Variants in MALRD1 observed in about 807,000 individuals in gnomAD.
The protein encoded by MALRD1 is MAM and LDL-receptor class A domain-containing protein 1.
Under a neutral mutation model 242.1 loss-of-function variants are expected in MALRD1, and 247 were observed. The ratio of observed to expected loss-of-function variants is 1.02; its 90% CI spans 0.92 to 1.13. MALRD1 has a LOEUF of 1.13. MALRD1 is among the 50% of genes most tolerant of loss of function. The pLI is 0.00. For synonymous variants in MALRD1, 995 were observed against 866.6 expected (o/e 1.15, Z -2.60); for missense variants, 2,989 against 2,533.1 (o/e 1.18, Z -3.86).
At chr10:19,148,313 A>G (rs959964898) in intron 11 of MALRD1, among the ~76,000 whole-genome samples, 5 of 152,092 alleles carry the variant, frequency 3.3e-5, no homozygotes, top group African/African-American at 1.2e-4. Context: ...TTCCGACACG[A>G]TGTTGACACT....
intron 28 of MALRD1, among the ~76,000 whole-genome samples, chr10:19,400,066 A>G (rs1490832572): frequency 6.6e-6 from 1 of 152,154 alleles, no homozygotes; most frequent in Admixed American, 6.6e-5. Flanking sequence ...CCTTGCTTTC[A>G]TTCATTGCGA....
intron 33 of MALRD1, among the ~76,000 whole-genome samples, chr10:19,583,208 C>A (rs1176184373): frequency 6.8e-6 from 1 of 147,876 alleles, no homozygotes; most frequent in South Asian, 2.2e-4. Context: ...AATTGAATAC[C>A]CTTTATTTCC....
At chr10:19,176,366 C>CCTTTTTTTTTTTTTTTT (rs1484132630) in intron 14 of MALRD1, among the ~76,000 whole-genome samples, 5 of 87,294 alleles carry the variant, frequency 5.7e-5, no homozygotes, top group African/African-American at 2.2e-4. Flanking sequence ...TTTCTGGGTG[C>CCTTTTTTTTTTTTTTTT]TTTTTTTTTT....
rs762389400 is a variant in MALRD1 at position 19,531,250 on chromosome 10, G to C, written c.5377G>C (p.Ala1793Pro). The change falls in exon 32 of 40, where the codon GCC becomes CCC. Residue 1793 changes from alanine (A) to proline (P), a missense_variant. Coordinates refer to ENST00000454679, the MANE Select transcript of MALRD1 (RefSeq NM_001142308.3). Reference sequence around the variant, plus strand: ...ATCTGGCTCCAAGGAAGGATCCGTTGCCAGAATTACTACTTCCAAATCCTT... The same window carrying C: ...ATCTGGCTCCAAGGAAGGATCCGTTCCCAGAATTACTACTTCCAAATCCTT... ...NSSGSKEGSV[A>P]RITTSKSFPA... is the part of the protein sequence containing the mutation. The C allele has an allele frequency of 1.8e-5, 28 of 1,550,358 alleles. 1 individual carries two copies. The South Asian group carries it at 3.3e-4, about 18-fold the overall frequency.
rs1397453610 is a variant in MALRD1 at position 19,238,474 on chromosome 10, T to C, written c.2992-19210T>C. The stretch of plus-strand genomic sequence containing the variant: ...TATATATAATATATAATATAATATA[T>C]AATATACATTATATATAATATATAA... On this transcript the variant is annotated intron_variant, in intron 18 of 39. Transcript: ENST00000454679. Among the ~76,000 whole-genome samples, 3 of 32,050 alleles carry C rather than the reference T, an allele frequency of 9.4e-5. No homozygotes were observed. The South Asian group carries it at 3.9e-3, about 41-fold the overall frequency. 21.0% of individuals were successfully genotyped at this position (32,050 alleles called of 152,430 possible).
chr10:19,262,860 C>G (rs981641967), intron 19 of MALRD1, among the ~76,000 whole-genome samples: 1 of 152,122 alleles, frequency 6.6e-6, no homozygotes, highest in African/African-American at 2.4e-5. Context: ...CTTTTAGATT[C>G]CTCTTACATG....
At chr10:19,356,467 C>T (rs184492207) in intron 26 of MALRD1, among the ~76,000 whole-genome samples, 6 of 152,124 alleles carry the variant, frequency 3.9e-5, no homozygotes, top group African/African-American at 7.2e-5. Context: ...TTTTTAAAAA[C>T]GAAATTAATT....
chr10:19,410,945 A>T (rs866983056), intron 28 of MALRD1, among the ~76,000 whole-genome samples: 1 of 151,960 alleles, frequency 6.6e-6, no homozygotes. Context: ...GACCATGTGG[A>T]TTTTTTCCAT....
At chr10:19,427,703 G>A (rs1291069347) in intron 28 of MALRD1, among the ~76,000 whole-genome samples, 1 of 151,978 alleles carries the variant, frequency 6.6e-6, no homozygotes, top group African/African-American at 2.4e-5. Flanking sequence ...GTTATTATTG[G>A]CGTTATATAG....
intron 19 of MALRD1, among the ~76,000 whole-genome samples, chr10:19,274,247 A>T (rs1840394346): frequency 6.6e-6 from 1 of 152,196 alleles, no homozygotes; most frequent in African/African-American, 2.4e-5. Flanking sequence ...AGATGATTGG[A>T]TAAAGAAAAT....
At chr10:19,231,609 T>G (rs1838075006) in intron 18 of MALRD1, among the ~76,000 whole-genome samples, 1 of 152,270 alleles carries the variant, frequency 6.6e-6, no homozygotes, top group South Asian at 2.1e-4. Context: ...AATGGGAGTT[T>G]CCCTACACAA....
chr10:19,253,229 A>G (rs1241737211), intron 18 of MALRD1, among the ~76,000 whole-genome samples: 1 of 151,984 alleles, frequency 6.6e-6, no homozygotes, highest in Non-Finnish European at 1.5e-5. Context: ...GTGGATAGCA[A>G]CAGAAAATTG....
chr10:19,643,213 C>A (rs548620706), intron 36 of MALRD1, among the ~76,000 whole-genome samples: 1 of 152,188 alleles, frequency 6.6e-6, no homozygotes, highest in East Asian at 1.9e-4. Context: ...GGGTGGATCA[C>A]CTCAGGTCGG....
intron 14 of MALRD1, among the ~76,000 whole-genome samples, chr10:19,186,706 A>G (rs1024275302): frequency 4.6e-5 from 7 of 152,062 alleles, no homozygotes; most frequent in African/African-American, 1.7e-4. Context: ...CGACTGGGAT[A>G]TTATTTTTTT....
In MALRD1 at chr10:19,113,792, T is replaced by TACACACACAC. The variant is rs753384799; in HGVS notation, c.695-9670_695-9661dup. ...CCTCCACATTGCCACTACCACCCCC[T>TACACACACAC]ACACACACACACACACACACACACA... On this transcript the variant is annotated intron_variant, in intron 5 of 39. Transcript: ENST00000454679. Among the ~76,000 whole-genome samples the TACACACACAC allele has an allele frequency of 6.3e-3, 848 of 134,518 alleles. 6 individuals carry two copies. The highest frequency in any genetic ancestry group is 0.013 in the East Asian group (57 of 4,424). The allele number at this position is 134,518 out of a possible 152,430, so 88.2% of individuals were successfully genotyped here.
intron 26 of MALRD1, among the ~76,000 whole-genome samples, chr10:19,358,131 A>G (rs1158098669): frequency 3.3e-5 from 5 of 151,742 alleles, no homozygotes; most frequent in Admixed American, 6.6e-5. Flanking sequence ...AATCACGGTC[A>G]TATTCTCTAC....
Position 19,137,044 on chromosome 10 carries a change from G to A in MALRD1, c.1411+263G>A, listed in dbSNP as rs191425462. 7.2e-5 allele frequency among the ~76,000 whole-genome samples: 11 copies of A among 152,288 alleles called. No individual in the cohort carries two copies. The East Asian group carries it at 1.9e-3, about 27-fold the overall frequency. On this transcript the variant is annotated intron_variant, in intron 10 of 39. Transcript: ENST00000454679. ...GTTGTGATTATTGTTGGCTGGGTGT[G>A]CGAATGTGTGTGCTTTGATTAAAGA...
chr10:19,730,566 CT>C, intron 38 of MALRD1, 139 bp from the exon 39 acceptor site: 1 of 893,678 alleles, frequency 1.1e-6, no homozygotes, highest in East Asian at 2.7e-5. Context: ...ACAAACTTTA[CT>C]TATGGTAATA....
intron 36 of MALRD1, among the ~76,000 whole-genome samples, chr10:19,636,671 A>T (rs902356586): frequency 1.3e-5 from 2 of 151,960 alleles, no homozygotes; most frequent in African/African-American, 4.8e-5. Flanking sequence ...GGCCGTGGCG[A>T]GTGGATCACC....
Sources: gnomAD v4.1 joint callset for allele counts (sites outside exome capture counted in the v4.1 genomes callset) on GRCh38, gnomAD v4.1.1 for gene constraint, MANE v1.5 for transcripts, NCBI Gene and HGNC (gene_info 2026-07-23, HGNC 2026-07-21) for gene names.